RORA: variants seen among roughly 807,000 people sequenced by gnomAD.
The protein encoded by RORA is RAR related orphan receptor A, also known as nuclear receptor ROR-alpha.
Under a neutral mutation model 69.5 loss-of-function variants are expected in RORA, and 7 were observed. The observed-to-expected ratio is 0.10, with a 90% CI of 0.06 to 0.19. The LOEUF is 0.19. RORA is among the 10% of genes least tolerant of loss of function. RORA has a pLI of 1.00. For missense variants in RORA, 457 were observed against 663.0 expected (o/e 0.69, Z 3.41); for synonymous variants, 261 against 240.8 (o/e 1.08, Z -0.78).
chr15:60,971,422 T>A (rs187504162), intron 1 of RORA, among the ~76,000 whole-genome samples: 3 of 152,162 alleles, frequency 2.0e-5, no homozygotes, highest in Admixed American at 6.5e-5. Context: ...GGCCCGCATG[T>A]CCCTAACTGC....
At chr15:60,582,040 A>C (rs562339855) in intron 2 of RORA, among the ~76,000 whole-genome samples, 6 of 152,186 alleles carry the variant, frequency 3.9e-5, no homozygotes, top group Non-Finnish European at 7.3e-5. Context: ...CCATTTTTAA[A>C]CAACTGCCCC....
chr15:60,560,447 A>G (rs2067498581), intron 2 of RORA, among the ~76,000 whole-genome samples: 1 of 152,104 alleles, frequency 6.6e-6, no homozygotes, highest in Non-Finnish European at 1.5e-5. Flanking sequence ...TAATCCCAGC[A>G]CTTTGGGAAG....
intron 1 of RORA, among the ~76,000 whole-genome samples, chr15:60,939,535 C>T (rs2140321645): frequency 6.6e-6 from 1 of 152,356 alleles, no homozygotes; most frequent in Admixed American, 6.5e-5. Context: ...TCATTTACCA[C>T]TATGCGACCT....
intron 1 of RORA, among the ~76,000 whole-genome samples, chr15:60,707,329 C>A (rs968756496): frequency 4.4e-5 from 6 of 134,880 alleles, no homozygotes; most frequent in African/African-American, 1.3e-4. Context: ...TCATCTATTT[C>A]TTTATTTTAT....
In RORA at chr15:60,505,554, G is replaced by A. The variant is rs747226341; in HGVS notation, c.896C>T (p.Thr299Met). 2.5e-6 allele frequency: 4 copies of A among 1,613,842 alleles called. No homozygotes were observed. The highest frequency in any genetic ancestry group is 1.1e-5 in the South Asian group (1 of 91,076). Residue 299 changes from threonine to methionine, a missense_variant, in exon 6 of 11, where the codon ACG becomes ATG. By Grantham distance (81) the Thr-to-Met change is moderately conservative. Coordinates refer to ENST00000335670, the MANE Select transcript of RORA (RefSeq NM_134261.3). Reference protein sequence around the residue: ...QYLREELQQITWQTFLQEEIE... With the variant: ...QYLREELQQIMWQTFLQEEIE... The stretch of plus-strand genomic sequence containing the variant: ...TTCTTCCTGTAAAAAGGTCTGCCAC[G>A]TTATCTGCTGGAGCTCTTCTCTCAA...
chr15:60,978,961 C>CTTTTTTTTTT (rs543353825), intron 1 of RORA, among the ~76,000 whole-genome samples: 19,340 of 94,046 alleles, frequency 0.21, 3,397 homozygotes, highest in East Asian at 0.42. Flanking sequence ...CAACTTTGCT[C>CTTTTTTTTTT]TTTTTTTTTT....
intron 1 of RORA, among the ~76,000 whole-genome samples, chr15:60,861,989 C>T (rs779915668): frequency 1.3e-5 from 2 of 152,204 alleles, no homozygotes; most frequent in Non-Finnish European, 2.9e-5. Context: ...AAATAATTCA[C>T]GAAGGTGATC....
At chr15:60,924,664 C>A (rs1892154533) in intron 1 of RORA, among the ~76,000 whole-genome samples, 2 of 152,280 alleles carry the variant, frequency 1.3e-5, no homozygotes, top group South Asian at 4.1e-4. Context: ...TCGTGAAGCA[C>A]TAAACCACAG....
intron 1 of RORA, among the ~76,000 whole-genome samples, chr15:60,705,956 G>A (rs1469166867): frequency 6.6e-6 from 1 of 152,152 alleles, no homozygotes; most frequent in African/African-American, 2.4e-5. Context: ...CCAGGTGAAA[G>A]GGAAGTGGCA....
At chr15:60,861,833 G>C (rs2073438208) in intron 1 of RORA, among the ~76,000 whole-genome samples, 1 of 152,122 alleles carries the variant, frequency 6.6e-6, no homozygotes, top group Admixed American at 6.5e-5. Flanking sequence ...GGGGACAGAA[G>C]GTACTCTGTC....
chr15:61,121,501 C>T (rs2079103744), intron 1 of RORA, among the ~76,000 whole-genome samples: 1 of 152,184 alleles, frequency 6.6e-6, no homozygotes, highest in Non-Finnish European at 1.5e-5. Flanking sequence ...GATTAAACTG[C>T]CCCTTGAAAC....
chr15:60,833,122 T>C (rs939104663), intron 1 of RORA, among the ~76,000 whole-genome samples: 1 of 151,940 alleles, frequency 6.6e-6, no homozygotes, highest in Non-Finnish European at 1.5e-5. Context: ...GCCAGGATGG[T>C]CTCGAACTCC....
At chr15:60,832,282 C>G (rs907862460) in intron 1 of RORA, among the ~76,000 whole-genome samples, 1 of 152,136 alleles carries the variant, frequency 6.6e-6, no homozygotes, top group African/African-American at 2.4e-5. Context: ...CCCACACCAC[C>G]CCTCCAGTTT....
At chr15:60,764,462 T>G (rs1307612632) in intron 1 of RORA, among the ~76,000 whole-genome samples, 2 of 151,974 alleles carry the variant, frequency 1.3e-5, no homozygotes, top group Non-Finnish European at 2.9e-5. Context: ...TATTTAAAAC[T>G]TTTTTCATGT....
At chr15:60,801,207 G>A (rs2072576198) in intron 1 of RORA, among the ~76,000 whole-genome samples, 1 of 152,170 alleles carries the variant, frequency 6.6e-6, no homozygotes, top group Admixed American at 6.5e-5. Flanking sequence ...AACACCTGGT[G>A]AACTTGGGTG....
At chr15:60,512,410 C>T (rs2065731881) in intron 4 of RORA, among the ~76,000 whole-genome samples, 1 of 152,186 alleles carries the variant, frequency 6.6e-6, no homozygotes, top group Non-Finnish European at 1.5e-5. Flanking sequence ...CCTTGGCCTC[C>T]TACGTAGCTG....
intron 2 of RORA, among the ~76,000 whole-genome samples, chr15:60,618,916 G>T (rs1450190948): frequency 1.3e-5 from 2 of 152,166 alleles, no homozygotes; most frequent in African/African-American, 4.8e-5. Flanking sequence ...ATGCCCAAAG[G>T]TGCTCAGCAT....
chr15:60,880,881 C>T (rs946560260), intron 1 of RORA, among the ~76,000 whole-genome samples: 2 of 152,178 alleles, frequency 1.3e-5, no homozygotes, highest in South Asian at 2.1e-4. Context: ...AACTTTTTTT[C>T]TTAGGGTATG....
chr15:60,962,998 A>T (rs536549275), intron 1 of RORA, among the ~76,000 whole-genome samples: 51 of 152,216 alleles, frequency 3.4e-4, no homozygotes, highest in Admixed American at 1.1e-3. Flanking sequence ...CAAGGGAAAT[A>T]GCTTAAGTAA....
Sources: gnomAD v4.1 joint callset for allele counts (sites outside exome capture counted in the v4.1 genomes callset) on GRCh38, gnomAD v4.1.1 for gene constraint, MANE v1.5 for transcripts, NCBI Gene and HGNC (gene_info 2026-07-23, HGNC 2026-07-21) for gene names.